Variants in GTF2I observed in about 807,000 individuals in gnomAD.
GTF2I encodes general transcription factor IIi, also known as general transcription factor II-I.
A neutral mutation model predicts 67.6 loss-of-function variants in GTF2I; 12 were observed. That is an observed-to-expected ratio of 0.18 (90% CI 0.11 to 0.29). The LOEUF (loss-of-function observed/expected upper bound fraction) is 0.29, where lower values mean the gene tolerates loss of function less well. GTF2I is among the 10% of genes least tolerant of loss of function. The pLI is 1.00. For missense variants in GTF2I, 271 were observed against 580.1 expected, an observed-to-expected ratio of 0.47 and a Z score of 5.47; for synonymous variants, 149 against 197.0, an observed-to-expected ratio of 0.76 and a Z score of 2.04.
chr7:74,727,198 C>T (rs987143634), intron 12 of GTF2I: 5 of 152,178 alleles, frequency 3.3e-5, no homozygotes, highest in African/African-American at 1.2e-4. Flanking sequence ...TTAGCACGGC[C>T]AGCCAGTCAA....
intron 1 of GTF2I, among the ~76,000 whole-genome samples, chr7:74,678,785 T>A (rs1019434011): frequency 1.3e-5 from 2 of 152,098 alleles, no homozygotes; most frequent in East Asian, 1.9e-4. Context: ...ATATATATAT[T>A]TTTTGAGACA....
intron 6 of GTF2I, among the ~76,000 whole-genome samples, chr7:74,702,318 C>T (rs1216882799): frequency 2.0e-5 from 3 of 151,960 alleles, no homozygotes; most frequent in Admixed American, 6.6e-5. Flanking sequence ...ACCTCCGCCT[C>T]GTGGATTCAA....
At chr7:74,668,579 T>A (rs1805190697) in intron 1 of GTF2I, among the ~76,000 whole-genome samples, 1 of 151,818 alleles carries the variant, frequency 6.6e-6, no homozygotes, top group African/African-American at 2.4e-5. Context: ...ATTTATTTAT[T>A]TATTTATTTA....
chr7:74,670,177 G>T (rs1189305610), intron 1 of GTF2I, among the ~76,000 whole-genome samples: 1 of 152,118 alleles, frequency 6.6e-6, no homozygotes, highest in African/African-American at 2.4e-5. Flanking sequence ...GAATGCTTTT[G>T]TGATGCACTT....
intron 1 of GTF2I, among the ~76,000 whole-genome samples, chr7:74,672,078 A>G (rs1805508627): frequency 1.3e-5 from 2 of 151,562 alleles, no homozygotes. Flanking sequence ...CTTGCCATTC[A>G]TATATATGTA....
At chr7:74,675,635 T>G (rs2131234898) in intron 1 of GTF2I, among the ~76,000 whole-genome samples, 1 of 152,262 alleles carries the variant, frequency 6.6e-6, no homozygotes, top group Middle Eastern at 3.4e-3. Context: ...TTAATGTTTT[T>G]CTAAAGTTTA....
chr7:74,702,558 AAGGTGGCTATAC>A (rs1789952574), intron 6 of GTF2I, among the ~76,000 whole-genome samples: 2 of 152,130 alleles, frequency 1.3e-5, no homozygotes, highest in Admixed American at 6.5e-5. Flanking sequence ...GCTGTTTTCC[AAGGTGGCTATAC>A]CATGTTATAT....
intron 1 of GTF2I, among the ~76,000 whole-genome samples, chr7:74,680,079 CAAAAAA>C (rs1225904374): frequency 3.3e-5 from 1 of 30,520 alleles, no homozygotes; most frequent in African/African-American, 1.4e-4. Flanking sequence ...GAGTCCATCT[CAAAAAA>C]AAAAAAAAAA....
chr7:74,690,838 G>A (rs1788223728), intron 2 of GTF2I, 135 bp from the exon 3 acceptor site: 1 of 785,414 alleles, frequency 1.3e-6, no homozygotes, highest in Non-Finnish European at 2.1e-6. Context: ...GTTGTCTTTT[G>A]TTTAAAATCA....
intron 14 of GTF2I, among the ~76,000 whole-genome samples, chr7:74,731,394 C>G (rs1331074428): frequency 2.1e-5 from 3 of 139,928 alleles, no homozygotes; most frequent in African/African-American, 8.0e-5. Context: ...TATAACCTAC[C>G]CCTCAATGAA....
At chr7:74,677,829 A>G (rs1319441744) in intron 1 of GTF2I, among the ~76,000 whole-genome samples, 2 of 147,810 alleles carry the variant, frequency 1.4e-5, no homozygotes, top group African/African-American at 5.0e-5. Flanking sequence ...TTCCTCTTAT[A>G]CAAAAGATAA....
intron 9 of GTF2I, among the ~76,000 whole-genome samples, chr7:74,714,570 C>G (rs1291651252): frequency 6.6e-6 from 1 of 151,798 alleles, no homozygotes; most frequent in Non-Finnish European, 1.5e-5. Context: ...TTTAAAAAAC[C>G]CACATCTTCC....
intron 6 of GTF2I, among the ~76,000 whole-genome samples, chr7:74,703,064 G>T (rs1179741812): frequency 6.6e-6 from 1 of 151,878 alleles, no homozygotes; most frequent in Non-Finnish European, 1.5e-5. Context: ...CATATTTTTT[G>T]GAGAAATATC....
rs587641817 is a variant in GTF2I at position 74,685,691 on chromosome 7, C to T, written c.-5-3433C>T. On this transcript the variant is annotated intron_variant, in intron 1 of 34. Coordinates refer to ENST00000573035, the MANE Select transcript of GTF2I (RefSeq NM_032999.4). ...CTGAAGCAGGAGAATCGTTTGAACC[C>T]GGAAGGCCGAGGTTGCAGGGAACCC... 7.1e-4 allele frequency among the ~76,000 whole-genome samples: 107 copies of T among 151,722 alleles called. No homozygotes were observed. The South Asian group carries it at 0.02, about 29-fold the overall frequency.
At chr7:74,678,404 C>T (rs1290905772) in intron 1 of GTF2I, among the ~76,000 whole-genome samples, 1 of 152,166 alleles carries the variant, frequency 6.6e-6, no homozygotes, top group East Asian at 1.9e-4. Context: ...TGTCTGAATG[C>T]AAAACATTGA....
At chr7:74,699,120 C>A in intron 4 of GTF2I, 25 bp downstream of exon 4, 1 of 1,305,160 alleles carries the variant, frequency 7.7e-7, no homozygotes, top group Non-Finnish European at 1.0e-6. Flanking sequence ...TTTAATTTTT[C>A]TAAAAGATAC....
At chr7:74,701,146 G>C (rs1433566372) in intron 6 of GTF2I, among the ~76,000 whole-genome samples, 2 of 152,166 alleles carry the variant, frequency 1.3e-5, no homozygotes, top group Admixed American at 6.5e-5. Context: ...ATGAGGAAGA[G>C]AGCATTTCCA....
chr7:74,730,713 CTTTTTTTTTTT>C (rs869183139), intron 14 of GTF2I, among the ~76,000 whole-genome samples: 3 of 63,918 alleles, frequency 4.7e-5, no homozygotes, highest in African/African-American at 6.5e-5. Flanking sequence ...CTACTTTTAT[CTTTTTTTTTTT>C]TTTTTTTTTT....
rs1804049953 is a variant in GTF2I at position 74,657,869 on chromosome 7, C to G, written c.-205C>G. On this transcript the variant is annotated 5_prime_UTR_variant, in exon 1 of 35. Transcript: ENST00000573035. ...ATCGGATCAAGGCGCTGAGCGAGGC[C>G]CTGCCTGCGGGGCGGCCATGCGGCG... The G allele has an allele frequency of 6.6e-6, 1 of 151,718 alleles. No homozygotes were observed. The highest frequency in any genetic ancestry group is 2.4e-5 in the African/African-American group (1 of 41,326). 9.4% of individuals were successfully genotyped at this position (151,718 alleles called of 1,614,324 possible). A position where few individuals can be genotyped will look rare whatever the true frequency, so the allele number is the denominator to read the frequency against.
Sources: allele counts gnomAD v4.1 joint callset (sites outside exome capture counted in the v4.1 genomes callset), GRCh38; gene constraint gnomAD v4.1.1; transcripts MANE v1.5; gene names NCBI Gene and HGNC (gene_info 2026-07-23, HGNC 2026-07-21).